The following KDM7A variants were observed in gnomAD, a reference collection of about 807,000 sequenced individuals.
KDM7A encodes the protein lysine demethylase 7A.
KDM7A carries 28 observed loss-of-function variants against 114.8 expected under a neutral mutation model. The observed-to-expected ratio is 0.24, with a 90% CI of 0.18 to 0.33. KDM7A has a LOEUF of 0.33. Ranked by LOEUF, KDM7A falls within the 10% of genes least tolerant of loss-of-function variation. KDM7A has a pLI of 1.00. For synonymous variants in KDM7A, 423 were observed against 397.8 expected, an observed-to-expected ratio of 1.06 and a Z score of -0.75; for missense variants, 942 against 1,142.5, an observed-to-expected ratio of 0.82 and a Z score of 2.53.
At chr7:140,127,309 C>T in intron 5 of KDM7A, 133 bp downstream of exon 5, 1 of 780,494 alleles carries the variant, frequency 1.3e-6, no homozygotes, top group East Asian at 2.6e-5. Context: ...TGTCCCAATG[C>T]AAAATTTATA....
In KDM7A at chr7:140,099,935, T is replaced by C. The variant is rs777827605; in HGVS notation, c.1727A>G (p.Asp576Gly). 3 of 1,611,800 alleles carry C rather than the reference T, an allele frequency of 1.9e-6. No individual in the cohort carries two copies. In the Admixed American group the frequency reaches 5.0e-5, roughly 27 times the overall value. The change falls in exon 13 of 20, where the codon GAT becomes GGT. Residue 576 changes from aspartate (D) to glycine (G), a missense_variant. Physicochemically the swap from Asp to Gly is moderately conservative, Grantham distance 94. Around this residue, in one of 4 missense-constraint regions of KDM7A, gnomAD observed 512 missense variants for 576.6 expected, o/e 0.89. Transcript: ENST00000397560. ...TVPEWRAKDNDLRLLLTNGRI... is the reference protein window; with the variant it reads ...TVPEWRAKDNGLRLLLTNGRI... ...TCCATTTGTCAGCAGTAATCGTAGA[T>C]CATTATCTTTCGCTCTCCATTCAGG...
chr7:140,111,994 G>C lies in KDM7A; in HGVS notation c.1339-810C>G, dbSNP rs185778196. ...GGAATTCTGATAAAGTCACAAATTT[G>C]AGAATCACACATCTAAAGCCTTCAG... On this transcript the variant is annotated intron_variant, in intron 10 of 19. Transcript: ENST00000397560. 2.0e-5 allele frequency among the ~76,000 whole-genome samples: 3 copies of C among 150,624 alleles called. No individual in the cohort carries two copies. The East Asian group carries it at 5.8e-4, about 29-fold the overall frequency.
chr7:140,155,677 G>A (rs1418771108), intron 1 of KDM7A, among the ~76,000 whole-genome samples: 2 of 152,202 alleles, frequency 1.3e-5, no homozygotes, highest in Non-Finnish European at 2.9e-5. Context: ...AGAATCGCAA[G>A]GAAGGAGATA....
chr7:140,154,878 TACA>T (rs901808390), intron 1 of KDM7A, among the ~76,000 whole-genome samples: 14 of 152,290 alleles, frequency 9.2e-5, no homozygotes, highest in Admixed American at 7.2e-4. Flanking sequence ...TTATAAGTGT[TACA>T]ACTTTATGAT....
intron 3 of KDM7A, among the ~76,000 whole-genome samples, chr7:140,131,996 A>G (rs1818794761): frequency 1.3e-5 from 2 of 152,258 alleles, no homozygotes; most frequent in South Asian, 4.1e-4. Context: ...AACACTATGC[A>G]TAACATAACC....
intron 11 of KDM7A, among the ~76,000 whole-genome samples, chr7:140,103,681 G>A (rs1055638006): frequency 6.6e-6 from 1 of 152,172 alleles, no homozygotes; most frequent in Admixed American, 6.6e-5. Flanking sequence ...CAGTGTATAT[G>A]TGCCACAATT....
chr7:140,141,737 T>C (rs1383869566), intron 1 of KDM7A, among the ~76,000 whole-genome samples: 3 of 151,554 alleles, frequency 2.0e-5, no homozygotes, highest in African/African-American at 4.8e-5. Context: ...CTACTAAAAA[T>C]ACAAAAATTA....
intron 1 of KDM7A, among the ~76,000 whole-genome samples, chr7:140,140,643 C>T (rs1440228997): frequency 1.3e-5 from 2 of 151,434 alleles, no homozygotes; most frequent in East Asian, 1.9e-4. Context: ...GCACGATGGC[C>T]GGTGCCTGTA....
chr7:140,171,379 G>C (rs1323359915), intron 1 of KDM7A, among the ~76,000 whole-genome samples: 1 of 151,184 alleles, frequency 6.6e-6, no homozygotes, highest in East Asian at 1.9e-4. Context: ...TGAGGCAGGA[G>C]AATCATTTGA....
chr7:140,101,427 C>T (rs1180189541), intron 12 of KDM7A, among the ~76,000 whole-genome samples: 1 of 152,148 alleles, frequency 6.6e-6, no homozygotes, highest in East Asian at 1.9e-4. Context: ...CACCACGTAA[C>T]CATTTGACTT....
intron 9 of KDM7A, among the ~76,000 whole-genome samples, chr7:140,114,590 C>T (rs1419269822): frequency 1.3e-5 from 2 of 152,232 alleles, no homozygotes; most frequent in Non-Finnish European, 2.9e-5. Context: ...CAGCCGCCAC[C>T]CCGTCTGGGA....
chr7:140,153,283 T>C (rs1225482670), intron 1 of KDM7A, among the ~76,000 whole-genome samples: 1 of 151,362 alleles, frequency 6.6e-6, no homozygotes, highest in African/African-American at 2.4e-5. Flanking sequence ...GTCAGGAGAT[T>C]GAGACCATCC....
chr7:140,175,803 AC>A (rs1794697988), intron 1 of KDM7A, among the ~76,000 whole-genome samples: 2 of 127,154 alleles, frequency 1.6e-5, no homozygotes, highest in East Asian at 4.8e-4. Context: ...CGCCCGGCCG[AC>A]TCAAGTTCGC....
At chr7:140,098,393 T>A (rs991174013) in intron 14 of KDM7A, among the ~76,000 whole-genome samples, 5 of 152,222 alleles carry the variant, frequency 3.3e-5, no homozygotes, top group African/African-American at 1.2e-4. Context: ...GCCATACTGA[T>A]GATAACCAAT....
chr7:140,090,806 C>T lies in KDM7A; in HGVS notation c.*288G>A, dbSNP rs924076346. On this transcript the variant is annotated 3_prime_UTR_variant, in exon 20 of 20. Coordinates refer to ENST00000397560, the MANE Select transcript of KDM7A (RefSeq NM_030647.2). The stretch of plus-strand genomic sequence containing the variant: ...CCCTACCACTGAAAATACATCAAGA[C>T]ACTACCAACAACAAAATAAAATTCA... 5 of 367,004 alleles carry T rather than the reference C, an allele frequency of 1.4e-5. No individual in the cohort carries two copies. The highest frequency in any genetic ancestry group is 2.4e-5 in the Non-Finnish European group (5 of 204,698). The allele number at this position is 367,004 out of a possible 1,614,324, so 22.7% of individuals were successfully genotyped here. A position where few individuals can be genotyped will look rare whatever the true frequency, so the allele number is the denominator to read the frequency against.
intron 1 of KDM7A, among the ~76,000 whole-genome samples, chr7:140,147,488 A>G (rs1794351290): frequency 6.6e-6 from 1 of 152,176 alleles, no homozygotes; most frequent in Non-Finnish European, 1.5e-5. Context: ...TGAGATTTAT[A>G]TATCGGAAAT....
chr7:140,163,213 C>T (rs1364998921), intron 1 of KDM7A, among the ~76,000 whole-genome samples: 3 of 152,078 alleles, frequency 2.0e-5, no homozygotes, highest in Non-Finnish European at 4.4e-5. Context: ...CCAGAATGAT[C>T]TCAATCTCCT....
chr7:140,127,345 G>A, intron 5 of KDM7A, 97 bp downstream of exon 5: 1 of 1,049,880 alleles, frequency 9.5e-7, no homozygotes, highest in East Asian at 2.4e-5. Flanking sequence ...GACAACTTTA[G>A]AAGTCACAAC....
chr7:140,154,073 C>T (rs1424511076), intron 1 of KDM7A, among the ~76,000 whole-genome samples: 1 of 152,136 alleles, frequency 6.6e-6, no homozygotes. Flanking sequence ...ACCATGGTGA[C>T]TGAAATTTGA....
Sources: allele counts gnomAD v4.1 joint callset (sites outside exome capture counted in the v4.1 genomes callset), GRCh38; gene constraint gnomAD v4.1.1; regional missense constraint gnomAD v4.1.1; transcripts MANE v1.5; gene names NCBI Gene and HGNC (gene_info 2026-07-23, HGNC 2026-07-21).